The following IL34 variants were observed in gnomAD, a reference collection of about 807,000 sequenced individuals.
IL34 encodes interleukin-34.
IL34 carries 17 observed loss-of-function variants against 25.3 expected under a neutral mutation model. The observed-to-expected ratio is 0.67, with a 90% CI of 0.46 to 1.01. The LOEUF (loss-of-function observed/expected upper bound fraction) is 1.01, where lower values mean the gene tolerates loss of function less well. Among genes scored for constraint, IL34 ranks in the 50% least tolerant of loss-of-function variants. The pLI, the probability that IL34 is intolerant of heterozygous loss-of-function variation, is 0.00. For missense variants in IL34, 368 were observed against 312.9 expected (o/e 1.18, Z -1.33); for synonymous variants, 174 against 140.9 (o/e 1.23, Z -1.66).
chr16:70,611,065 A>G (rs542158026), intron 1 of IL34, among the ~76,000 whole-genome samples: 1 of 152,200 alleles, frequency 6.6e-6, no homozygotes, highest in Non-Finnish European at 1.5e-5. Context: ...TGCAACCTCC[A>G]TGTCCCTGGT....
intron 1 of IL34, among the ~76,000 whole-genome samples, chr16:70,618,014 A>G (rs1309770675): frequency 6.6e-6 from 1 of 152,198 alleles, no homozygotes; most frequent in African/African-American, 2.4e-5. Context: ...GGGTGGGGCA[A>G]ATCCTCCAGC....
At chr16:70,619,582 C>G (rs928736938) in intron 1 of IL34, among the ~76,000 whole-genome samples, 1 of 151,378 alleles carries the variant, frequency 6.6e-6, no homozygotes, top group Non-Finnish European at 1.5e-5. Flanking sequence ...GGGAAACAGG[C>G]CCTTGAAAAG....
At chr16:70,637,170 C>T (rs1442322872) in intron 1 of IL34, among the ~76,000 whole-genome samples, 1 of 151,998 alleles carries the variant, frequency 6.6e-6, no homozygotes, top group African/African-American at 2.4e-5. Context: ...GCCCCTTCCC[C>T]ATTTTTAATT....
chr16:70,659,592 G>A (rs373785976), intron 4 of IL34, 26 bp from the exon 5 acceptor site: 120 of 1,587,530 alleles, frequency 7.6e-5, no homozygotes, highest in East Asian at 6.1e-4. Flanking sequence ...TCTCGCCACC[G>A]CTCCTGACTG....
intron 1 of IL34, among the ~76,000 whole-genome samples, chr16:70,636,146 C>T (rs921149839): frequency 6.6e-6 from 1 of 151,652 alleles, no homozygotes. Context: ...TCAAGTAATT[C>T]TCTTGCCTCA....
chr16:70,631,259 G>A (rs1002374313), intron 1 of IL34, among the ~76,000 whole-genome samples: 6 of 152,140 alleles, frequency 3.9e-5, no homozygotes, highest in Non-Finnish European at 7.3e-5. Context: ...TTGTGGACAT[G>A]GTCTGTGGAC....
intron 1 of IL34, among the ~76,000 whole-genome samples, chr16:70,607,112 C>CT (rs906578113): frequency 2.0e-5 from 3 of 151,602 alleles, no homozygotes; most frequent in African/African-American, 7.3e-5. Flanking sequence ...CTTTTCTTTT[C>CT]TTTTTTTGAG....
rs554045787 is a variant in IL34, at chr16:70,608,133, T to C, written c.-401+28084T>C. 2.6e-3 allele frequency among the ~76,000 whole-genome samples: 385 copies of C among 146,396 alleles called. 3 individuals are homozygous for C. The highest frequency in any genetic ancestry group is 7.2e-3 in the African/African-American group (285 of 39,852). On this transcript the variant is annotated intron_variant, in intron 1 of 6. Transcript: ENST00000429149. Reference sequence around the variant, plus strand: ...TGATTGATTTTCTTTTTTCTTTTTTTTTTTTTTTTTTTTGAGATAGAGTCT... The same window carrying C: ...TGATTGATTTTCTTTTTTCTTTTTTCTTTTTTTTTTTTTGAGATAGAGTCT...
At chr16:70,625,619 G>A (rs1190931462) in intron 1 of IL34, among the ~76,000 whole-genome samples, 1 of 152,104 alleles carries the variant, frequency 6.6e-6, no homozygotes, top group Non-Finnish European at 1.5e-5. Flanking sequence ...TTTGAAACGT[G>A]GGTGAATAAT....
intron 1 of IL34, among the ~76,000 whole-genome samples, chr16:70,584,707 C>T (rs905964042): frequency 2.7e-5 from 4 of 147,418 alleles, no homozygotes; most frequent in African/African-American, 7.4e-5. Flanking sequence ...CTCTCTCTCT[C>T]TTTTTTTTTT....
chr16:70,653,329 A>G (rs961596189), intron 1 of IL34, among the ~76,000 whole-genome samples: 3 of 149,042 alleles, frequency 2.0e-5, no homozygotes, highest in Non-Finnish European at 4.4e-5. Flanking sequence ...CCTGGGCAAC[A>G]TAGCAAAACC....
intron 1 of IL34, among the ~76,000 whole-genome samples, chr16:70,598,772 A>G (rs1327226947): frequency 6.6e-6 from 1 of 152,200 alleles, no homozygotes; most frequent in Admixed American, 6.5e-5. Context: ...CTTTTAAAGA[A>G]TGAAAATTAG....
At chr16:70,633,506 C>A (rs2051567319) in intron 1 of IL34, among the ~76,000 whole-genome samples, 1 of 152,144 alleles carries the variant, frequency 6.6e-6, no homozygotes, top group Non-Finnish European at 1.5e-5. Flanking sequence ...CTCAAATGAT[C>A]CTCCAACCTC....
At chr16:70,648,262 G>C (rs901704585) in intron 1 of IL34, among the ~76,000 whole-genome samples, 3 of 152,210 alleles carry the variant, frequency 2.0e-5, no homozygotes, top group African/African-American at 7.2e-5. Context: ...AGGTGCGAAT[G>C]AAAGGCAAGG....
upstream of IL34, among the ~76,000 whole-genome samples, chr16:70,646,099 G>T (rs1252306926): frequency 1.3e-5 from 2 of 151,580 alleles, no homozygotes; most frequent in Admixed American, 6.6e-5. Context: ...TAATAGAACT[G>T]AGGTCTTACT....
intron 1 of IL34, among the ~76,000 whole-genome samples, chr16:70,580,338 C>T (rs1055307008): frequency 3.3e-5 from 5 of 152,234 alleles, no homozygotes; most frequent in African/African-American, 4.8e-5. Context: ...TGTGTGTGCC[C>T]TTCAGAGTTT....
upstream of IL34, among the ~76,000 whole-genome samples, chr16:70,645,375 C>T (rs1164104509): frequency 1.3e-5 from 2 of 152,102 alleles, no homozygotes; most frequent in East Asian, 1.9e-4. Context: ...AAGAAGATGC[C>T]CAAGTCATAC....
intron 1 of IL34, among the ~76,000 whole-genome samples, chr16:70,624,711 A>C (rs1195941670): frequency 6.6e-6 from 1 of 152,068 alleles, no homozygotes; most frequent in African/African-American, 2.4e-5. Context: ...CAGGTGGGGA[A>C]GGGCTAGTCA....
chr16:70,599,293 C>CTTTCTTTCTTTCTTTCTTTCTTTT (rs113794220), intron 1 of IL34, among the ~76,000 whole-genome samples: 1 of 132,702 alleles, frequency 7.5e-6, no homozygotes, highest in Non-Finnish European at 1.6e-5. Context: ...TTCTTTCTTT[C>CTTTCTTTCTTTCTTTCTTTCTTTT]TTCTTTCTTT....
Sources: gnomAD v4.1 joint callset for allele counts (sites outside exome capture counted in the v4.1 genomes callset) on GRCh38, gnomAD v4.1.1 for gene constraint, MANE v1.5 for transcripts, NCBI Gene and HGNC (gene_info 2026-07-23, HGNC 2026-07-21) for gene names.